ULK4: variants seen among roughly 807,000 people sequenced by gnomAD.
ULK4 encodes inactive serine/threonine-protein kinase ULK4.
In ULK4, 133 loss-of-function variants were observed where a neutral mutation model predicts 160.6. That is an observed-to-expected ratio of 0.83 (90% CI 0.72 to 0.96). The LOEUF (loss-of-function observed/expected upper bound fraction) is 0.96, where lower values mean the gene tolerates loss of function less well. Among genes scored for constraint, ULK4 ranks in the 40% least tolerant of loss-of-function variants. The pLI is 0.00. For missense variants in ULK4, 1,580 were observed against 1,499.5 expected (o/e 1.05, Z -0.89); for synonymous variants, 534 against 539.8 (o/e 0.99, Z 0.15).
At chr3:41,316,532 A>G (rs1238407238) in intron 35 of ULK4, among the ~76,000 whole-genome samples, 1 of 152,240 alleles carries the variant, frequency 6.6e-6, no homozygotes, top group Non-Finnish European at 1.5e-5. Context: ...CAAATACCGC[A>G]TGTTCGTACT....
chr3:41,612,375 C>CT (rs2032726723), intron 31 of ULK4, among the ~76,000 whole-genome samples: 1 of 152,146 alleles, frequency 6.6e-6, no homozygotes, highest in Non-Finnish European at 1.5e-5. Context: ...GAGTTGGTCA[C>CT]TCCCTTCCCC....
chr3:41,954,161 A>G (rs1177672180), intron 2 of ULK4, among the ~76,000 whole-genome samples: 1 of 140,746 alleles, frequency 7.1e-6, no homozygotes, highest in Non-Finnish European at 1.5e-5. Flanking sequence ...TGGGCGACAG[A>G]GTGAGACTCC....
chr3:41,808,862 G>T (rs186971971), intron 19 of ULK4, among the ~76,000 whole-genome samples: 2 of 152,210 alleles, frequency 1.3e-5, no homozygotes, highest in African/African-American at 4.8e-5. Flanking sequence ...CTACACAGTC[G>T]CTGACTTAAG....
chr3:41,800,374 T>A, intron 19 of ULK4, 81 bp from the exon 20 acceptor site: 7 of 1,420,692 alleles, frequency 4.9e-6, no homozygotes, highest in Non-Finnish European at 6.8e-6. Flanking sequence ...TAAATAATGT[T>A]ATGATACCAA....
intron 18 of ULK4, among the ~76,000 whole-genome samples, chr3:41,826,862 T>C (rs2041375632): frequency 7.0e-6 from 1 of 143,396 alleles, no homozygotes; most frequent in Admixed American, 6.8e-5. Context: ...ATACATTTTT[T>C]TCAGCACCAC....
intron 35 of ULK4, among the ~76,000 whole-genome samples, chr3:41,294,006 C>G (rs1032613111): frequency 6.6e-6 from 1 of 152,140 alleles, no homozygotes; most frequent in Non-Finnish European, 1.5e-5. Context: ...GGGCCCAGCC[C>G]GGAGGGTTGA....
At chr3:41,700,964 A>G (rs2036654348) in intron 27 of ULK4, among the ~76,000 whole-genome samples, 2 of 152,174 alleles carry the variant, frequency 1.3e-5, no homozygotes, top group South Asian at 2.1e-4. Flanking sequence ...TAGAAACTCA[A>G]CGTGCTATAT....
At chr3:41,447,881 G>C (rs1004340568) in intron 34 of ULK4, among the ~76,000 whole-genome samples, 2 of 152,122 alleles carry the variant, frequency 1.3e-5, no homozygotes, top group African/African-American at 4.8e-5. Context: ...AACTTCTAGA[G>C]AGAAGTCTAA....
At chr3:41,677,533 A>T (rs2035766197) in intron 29 of ULK4, among the ~76,000 whole-genome samples, 2 of 150,910 alleles carry the variant, frequency 1.3e-5, no homozygotes, top group Non-Finnish European at 3.0e-5. Context: ...AGGTTTCACC[A>T]TGTTAGCCAG....
At chr3:41,486,450 G>A (rs1331327892) in intron 32 of ULK4, among the ~76,000 whole-genome samples, 9 of 152,118 alleles carry the variant, frequency 5.9e-5, no homozygotes. Flanking sequence ...CAAGAGAATT[G>A]GCCATCATTT....
At chr3:41,649,975 C>A (rs1007535084) in intron 30 of ULK4, among the ~76,000 whole-genome samples, 1 of 152,200 alleles carries the variant, frequency 6.6e-6, no homozygotes, top group Non-Finnish European at 1.5e-5. Flanking sequence ...CAGACTCAGA[C>A]AGACATTGGG....
chr3:41,392,950 T>C (rs746775063), intron 35 of ULK4, among the ~76,000 whole-genome samples: 1 of 152,182 alleles, frequency 6.6e-6, no homozygotes, highest in African/African-American at 2.4e-5. Context: ...GTGTTCCTTA[T>C]ATCACTCAAG....
chr3:41,638,498 T>C (rs918199367), intron 30 of ULK4, among the ~76,000 whole-genome samples: 6 of 152,206 alleles, frequency 3.9e-5, no homozygotes, highest in African/African-American at 1.4e-4. Flanking sequence ...TGAAGAACCA[T>C]GACTTCACCG....
Position 41,615,278 on chromosome 3 carries a change from C to T in ULK4, c.3120+391G>A, listed in dbSNP as rs183405121. Reference sequence around the variant, plus strand: ...CAGGCATAAAACTGCTGATCTGGTACCCAGTAACTGCAAAGTCAGAGGGCT... The same window carrying T: ...CAGGCATAAAACTGCTGATCTGGTATCCAGTAACTGCAAAGTCAGAGGGCT... On this transcript the variant is annotated intron_variant, in intron 31 of 36. Coordinates refer to ENST00000301831, the MANE Select transcript of ULK4 (RefSeq NM_017886.4). Among the ~76,000 whole-genome samples the T allele has an allele frequency of 2.1e-3, 325 of 152,254 alleles. 2 individuals carry two copies. The highest frequency in any genetic ancestry group is 3.9e-3 in the Non-Finnish European group (265 of 68,030).
chr3:41,874,438 C>T (rs1435640484), intron 17 of ULK4, among the ~76,000 whole-genome samples: 4 of 152,146 alleles, frequency 2.6e-5, no homozygotes, highest in Non-Finnish European at 1.5e-5. Context: ...AGCTAAAGAA[C>T]GTAGTGCCAA....
intron 34 of ULK4, among the ~76,000 whole-genome samples, chr3:41,403,998 GGCCTAGGAGTCA>G (rs1305717309): frequency 2.0e-5 from 3 of 152,012 alleles, no homozygotes; most frequent in African/African-American, 7.2e-5. Context: ...TTGCTTTGGT[GGCCTAGGAGTCA>G]GTCTATTAGT....
At chr3:41,880,425 AATTAT>A (rs1054234899) in intron 17 of ULK4, among the ~76,000 whole-genome samples, 1 of 152,244 alleles carries the variant, frequency 6.6e-6, no homozygotes, top group African/African-American at 2.4e-5. Context: ...AAGAGATTTA[AATTAT>A]ATTACAAGGA....
At chr3:41,856,905 T>A (rs774122009) in intron 17 of ULK4, among the ~76,000 whole-genome samples, 10 of 145,504 alleles carry the variant, frequency 6.9e-5, no homozygotes, top group Non-Finnish European at 1.3e-4. Flanking sequence ...TGAGACCTTG[T>A]ATAAAACAAA....
intron 8 of ULK4, 44 bp downstream of exon 8, chr3:41,915,933 G>C: frequency 7.3e-7 from 1 of 1,368,730 alleles, no homozygotes; most frequent in Non-Finnish European, 1.0e-6. Flanking sequence ...TCCATTTGCA[G>C]AACTCAAAAG....
Sources: gnomAD v4.1 joint callset for allele counts (sites outside exome capture counted in the v4.1 genomes callset) on GRCh38, gnomAD v4.1.1 for gene constraint, MANE v1.5 for transcripts, NCBI Gene and HGNC (gene_info 2026-07-23, HGNC 2026-07-21) for gene names.